GALNT13: variants seen among roughly 807,000 people sequenced by gnomAD.
The protein encoded by GALNT13 is polypeptide N-acetylgalactosaminyltransferase 13, also known as UDP-GalNAc:polypeptide N-acetylgalactosaminyltransferase 13.
Under a neutral mutation model 64.2 loss-of-function variants are expected in GALNT13, and 28 were observed. That is an observed-to-expected ratio of 0.44 (90% CI 0.32 to 0.60). GALNT13 has a LOEUF of 0.60. Among genes scored for constraint, GALNT13 ranks in the 20% least tolerant of loss-of-function variants. GALNT13 has a pLI of 0.05. For missense variants in GALNT13, 577 were observed against 669.8 expected, an observed-to-expected ratio of 0.86 and a Z score of 1.53; for synonymous variants, 214 against 224.6, an observed-to-expected ratio of 0.95 and a Z score of 0.42.
At chr2:153,361,877 C>T in the GALNT13 span, among the ~76,000 whole-genome samples, 10 of 152,084 alleles carry the variant, frequency 6.6e-5, no homozygotes, top group Admixed American at 6.6e-4. Flanking sequence ...CAGAGAACAC[C>T]ACTAGGATAC....
At chr2:153,734,888 A>C in the GALNT13 span, among the ~76,000 whole-genome samples, 1 of 152,140 alleles carries the variant, frequency 6.6e-6, no homozygotes, top group Non-Finnish European at 1.5e-5. Flanking sequence ...CAGCTTTTGC[A>C]TTTTGGAGAG....
intron 4 of GALNT13, among the ~76,000 whole-genome samples, chr2:154,225,729 G>A (rs185231298): frequency 6.6e-6 from 1 of 152,154 alleles, no homozygotes; most frequent in East Asian, 1.9e-4. Flanking sequence ...AAAGCCCAAA[G>A]ATACAGGGGA....
chr2:153,877,469 C>T (rs1686459493), intron 1 of GALNT13, among the ~76,000 whole-genome samples: 1 of 152,096 alleles, frequency 6.6e-6, no homozygotes, highest in Non-Finnish European at 1.5e-5. Flanking sequence ...CAAAAATCAT[C>T]CAAATAACAT....
At chr2:154,272,761 T>C (rs1691423800) in intron 8 of GALNT13, among the ~76,000 whole-genome samples, 2 of 152,174 alleles carry the variant, frequency 1.3e-5, no homozygotes, top group African/African-American at 2.4e-5. Flanking sequence ...TGAAATATTC[T>C]AATAAAGAAA....
intron 8 of GALNT13, among the ~76,000 whole-genome samples, chr2:154,267,820 T>C (rs1691102610): frequency 6.6e-6 from 1 of 151,930 alleles, no homozygotes; most frequent in African/African-American, 2.4e-5. Flanking sequence ...CAATAAAAAA[T>C]GAGCAAAATA....
chr2:153,663,586 A>G, the GALNT13 span, among the ~76,000 whole-genome samples: 1 of 152,216 alleles, frequency 6.6e-6, no homozygotes, highest in Non-Finnish European at 1.5e-5. Context: ...TATGGCTGTG[A>G]CAAACCTCAT....
the GALNT13 span, among the ~76,000 whole-genome samples, chr2:153,492,912 T>G: frequency 6.8e-6 from 1 of 146,268 alleles, no homozygotes; most frequent in Admixed American, 7.4e-5. Flanking sequence ...CTCAAATACT[T>G]AGAAATTTAA....
At chr2:153,549,243 G>A in the GALNT13 span, among the ~76,000 whole-genome samples, 1 of 152,142 alleles carries the variant, frequency 6.6e-6, no homozygotes, top group East Asian at 1.9e-4. Context: ...ACGTTAAAAT[G>A]GGAATTTCAA....
chr2:154,200,196 A>T (rs140291933), intron 4 of GALNT13, among the ~76,000 whole-genome samples: 1 of 152,188 alleles, frequency 6.6e-6, no homozygotes, highest in Admixed American at 6.6e-5. Flanking sequence ...GTCTTTGCAT[A>T]TTCAAGTCAG....
At chr2:154,309,110 C>T (rs1339166823) in intron 9 of GALNT13, among the ~76,000 whole-genome samples, 1 of 152,146 alleles carries the variant, frequency 6.6e-6, no homozygotes, top group East Asian at 1.9e-4. Flanking sequence ...AAAGTGTGAA[C>T]TATCTACATG....
chr2:153,907,346 T>C (rs1558846163), intron 2 of GALNT13, among the ~76,000 whole-genome samples: 1 of 151,810 alleles, frequency 6.6e-6, no homozygotes, highest in Non-Finnish European at 1.5e-5. Context: ...ATTATATACA[T>C]ATGTATCATA....
At chr2:154,100,476 G>C (rs1702290190) in intron 3 of GALNT13, among the ~76,000 whole-genome samples, 2 of 152,116 alleles carry the variant, frequency 1.3e-5, no homozygotes, top group Non-Finnish European at 2.9e-5. Flanking sequence ...TATTGTAAAT[G>C]AGATTGAGTT....
chr2:154,397,396 G>A (rs553593644), intron 10 of GALNT13, among the ~76,000 whole-genome samples: 2 of 152,280 alleles, frequency 1.3e-5, no homozygotes, highest in East Asian at 1.9e-4. Context: ...CCGAGATCGC[G>A]CCATTGCACT....
At chr2:154,004,124 A>G (rs1249027228) in intron 3 of GALNT13, among the ~76,000 whole-genome samples, 1 of 152,118 alleles carries the variant, frequency 6.6e-6, no homozygotes, top group Non-Finnish European at 1.5e-5. Flanking sequence ...ATTCTAATAC[A>G]TTTAATTTTT....
chr2:154,044,605 G>A (rs1699186294), intron 3 of GALNT13, among the ~76,000 whole-genome samples: 1 of 152,098 alleles, frequency 6.6e-6, no homozygotes, highest in Non-Finnish European at 1.5e-5. Context: ...GGCTGGGAGG[G>A]AGATGATGAA....
chr2:153,861,114 T>G, the GALNT13 span, among the ~76,000 whole-genome samples: 1 of 152,312 alleles, frequency 6.6e-6, no homozygotes, highest in Non-Finnish European at 1.5e-5. Context: ...ATTTTGGAAA[T>G]GACAGCAGTG....
At chr2:153,343,077 G>A in the GALNT13 span, among the ~76,000 whole-genome samples, 1 of 152,124 alleles carries the variant, frequency 6.6e-6, no homozygotes, top group African/African-American at 2.4e-5. Flanking sequence ...AATGTGTAAC[G>A]TTTGTCACTA....
In GALNT13 at chr2:154,012,285, T is replaced by C. The variant is rs150635660; in HGVS notation, c.142+67646T>C. On this transcript the variant is annotated intron_variant, in intron 3 of 12. Transcript: ENST00000392825. ...TAGTGCTACTGAATTCTCTTAGTACTTGCTTGTCTGAAAAGAATTTTATTT... is the reference window on the plus strand; with the variant it reads ...TAGTGCTACTGAATTCTCTTAGTACCTGCTTGTCTGAAAAGAATTTTATTT... Among the ~76,000 whole-genome samples, 121 of 152,336 alleles carry C rather than the reference T, an allele frequency of 7.9e-4. No homozygotes were observed. The East Asian group carries it at 0.012, about 15-fold the overall frequency.
chr2:153,293,811 G>A, the GALNT13 span, among the ~76,000 whole-genome samples: 2 of 151,506 alleles, frequency 1.3e-5, no homozygotes, highest in Non-Finnish European at 2.9e-5. Flanking sequence ...GTGTGTGTGT[G>A]AGACAGGGTT....
Sources: allele counts gnomAD v4.1 joint callset (sites outside exome capture counted in the v4.1 genomes callset), GRCh38; gene constraint gnomAD v4.1.1; transcripts MANE v1.5; gene names NCBI Gene and HGNC (gene_info 2026-07-23, HGNC 2026-07-21).